SPATA7: variants seen among roughly 807,000 people sequenced by gnomAD.
SPATA7 encodes spermatogenesis-associated protein 7.
In SPATA7, 43 loss-of-function variants were observed where a neutral mutation model predicts 51.8. The observed-to-expected ratio is 0.83, with a 90% CI of 0.65 to 1.07. The LOEUF (loss-of-function observed/expected upper bound fraction) is 1.07, where lower values mean the gene tolerates loss of function less well. Among genes scored for constraint, SPATA7 ranks in the 50% least tolerant of loss-of-function variants. The pLI is 0.00. For synonymous variants in SPATA7, 230 were observed against 252.8 expected (o/e 0.91, Z 0.86); for missense variants, 683 against 701.3 (o/e 0.97, Z 0.30).
chr14:88,449,245 G>A (rs2077234848), intron 3 of SPATA7, among the ~76,000 whole-genome samples: 1 of 152,080 alleles, frequency 6.6e-6, no homozygotes, highest in African/African-American at 2.4e-5. Context: ...CTGTATTCCA[G>A]AGGTTCAGAT....
exon 5 of SPATA7, chr14:88,470,257 T>C (rs2077440037): frequency 1.7e-6 from 1 of 582,830 alleles, no homozygotes; most frequent in South Asian, 2.1e-5. Context: ...TTTATAAACT[T>C]AGGTACTGTG....
intron 9 of SPATA7, 69 bp from the exon 10 acceptor site, chr14:88,433,066 A>G (rs948871368): frequency 3.4e-6 from 4 of 1,170,796 alleles, no homozygotes; most frequent in Non-Finnish European, 3.8e-6. Context: ...ATTAGGTACT[A>G]ATGTTTCTTA....
chr14:88,415,627 A>AT (rs532800948), intron 4 of SPATA7, among the ~76,000 whole-genome samples: 28 of 152,076 alleles, frequency 1.8e-4, no homozygotes, highest in African/African-American at 6.3e-4. Context: ...GTGAGGTTTG[A>AT]TCCTGTCATG....
downstream of SPATA7, among the ~76,000 whole-genome samples, chr14:88,458,862 G>T (rs985920615): frequency 6.6e-6 from 1 of 152,122 alleles, no homozygotes; most frequent in African/African-American, 2.4e-5. Flanking sequence ...GGCATTTAGT[G>T]CTATAAATTT....
At chr14:88,397,713 AC>A (rs2075927956) in intron 4 of SPATA7, among the ~76,000 whole-genome samples, 1 of 152,078 alleles carries the variant, frequency 6.6e-6, no homozygotes, top group Non-Finnish European at 1.5e-5. Flanking sequence ...TTATATATCT[AC>A]CCTTTGACCA....
intron 5 of SPATA7, among the ~76,000 whole-genome samples, chr14:88,417,534 G>T (rs539417454): frequency 6.6e-6 from 1 of 152,122 alleles, no homozygotes; most frequent in African/African-American, 2.4e-5. Context: ...TCAAACTCCT[G>T]ACCTCAAGTG....
At chr14:88,444,828 T>C (rs2077200590) in intron 3 of SPATA7, among the ~76,000 whole-genome samples, 1 of 152,246 alleles carries the variant, frequency 6.6e-6, no homozygotes, top group Non-Finnish European at 1.5e-5. Context: ...GCCTCTGTTC[T>C]GTTCCATTGA....
chr14:88,415,512 ATTATT>A (rs1477500505), intron 4 of SPATA7, among the ~76,000 whole-genome samples: 4 of 149,220 alleles, frequency 2.7e-5, no homozygotes, highest in Admixed American at 6.6e-5. Context: ...TAAATAAAAT[ATTATT>A]TTATTTTTTA....
At chr14:88,433,261 T>A (rs761502094) in intron 10 of SPATA7, 49 bp downstream of exon 10, 8 of 1,174,616 alleles carry the variant, frequency 6.8e-6, no homozygotes, top group Non-Finnish European at 1.0e-5. Flanking sequence ...CATTAAATAT[T>A]CTTCATATTT....
intron 4 of SPATA7, among the ~76,000 whole-genome samples, chr14:88,404,556 A>G (rs1391050761): frequency 6.6e-6 from 1 of 152,144 alleles, no homozygotes; most frequent in Non-Finnish European, 1.5e-5. Flanking sequence ...TTCTCTACTA[A>G]AAATACAGAA....
At chr14:88,470,161 A>C in exon 5 of SPATA7, 1 of 966,208 alleles carries the variant, frequency 1.0e-6, no homozygotes, top group Non-Finnish European at 1.5e-6. Context: ...GTAAAAAGTA[A>C]AAAAGTAGTA....
downstream of SPATA7, among the ~76,000 whole-genome samples, chr14:88,459,328 A>C (rs2077303000): frequency 6.6e-6 from 1 of 152,182 alleles, no homozygotes; most frequent in Non-Finnish European, 1.5e-5. Flanking sequence ...GGGGTGTTAA[A>C]GTCTCCCATT....
rs202230167 is a variant in SPATA7 at position 88,416,836 on chromosome 14, T to A, written c.364T>A (p.Leu122Ile). The A allele has an allele frequency of 2.4e-4, 387 of 1,589,728 alleles. 2 individuals are homozygous for A. Among genetic ancestry groups the A allele is most frequent in the Non-Finnish European group, 2.8e-4 (324 of 1,159,192 alleles). Residue 122 changes from leucine to isoleucine, a missense_variant, in exon 5 of 12, where the codon TTA (leucine) becomes ATA (isoleucine). Physicochemically the swap from Leu to Ile is conservative, Grantham distance 5. Transcript: ENST00000393545. ...TAATTCCAAGTCACTTTTTAATACC[T>A]TACAAAAGGTAAGATAGTATTTTTA... ...KNNSKSLFNT[L>I]QKPSGEPQIE...
intron 3 of SPATA7, among the ~76,000 whole-genome samples, chr14:88,444,902 A>T (rs1439613213): frequency 2.0e-5 from 3 of 152,092 alleles, no homozygotes; most frequent in African/African-American, 7.2e-5. Flanking sequence ...GTAGTATAGT[A>T]TGAAGTCAGG....
intron 4 of SPATA7, among the ~76,000 whole-genome samples, chr14:88,465,218 G>T (rs994838226): frequency 5.3e-5 from 8 of 152,190 alleles, no homozygotes; most frequent in African/African-American, 1.9e-4. Flanking sequence ...TGTAATCCCA[G>T]CACTTTGGGA....
intron 7 of SPATA7, chr14:88,428,287 C>G (rs888211022): frequency 2.0e-5 from 3 of 152,062 alleles, no homozygotes; most frequent in African/African-American, 4.8e-5. Flanking sequence ...CAGTCTTGCA[C>G]TTGTGTCCTG....
Position 88,433,152 on chromosome 14 carries a change from A to G in SPATA7, c.1100A>G (p.Tyr367Cys), listed in dbSNP as rs768788013. The G allele has an allele frequency of 6.8e-6, 11 of 1,611,812 alleles. No homozygotes were observed. The South Asian group carries it at 1.2e-4, about 18-fold the overall frequency. Reference protein sequence around the residue: ...KIYSDEEELLYLSFIEDVTDE... With the variant: ...KIYSDEEELLCLSFIEDVTDE... ...TTTTACAGTGAAGAAGAACTGTTGT[A>G]TCTGAGTTTCATTGAAGATGTAACA... Residue 367 changes from tyrosine (Y) to cysteine (C), a missense_variant, in exon 10 of 12, where the codon TAT becomes TGT. Coordinates refer to ENST00000393545, the MANE Select transcript of SPATA7 (RefSeq NM_018418.5).
intron 10 of SPATA7, among the ~76,000 whole-genome samples, chr14:88,435,273 T>A (rs2077052641): frequency 6.6e-6 from 1 of 152,230 alleles, no homozygotes; most frequent in Non-Finnish European, 1.5e-5. Context: ...TGGGAGTTTT[T>A]AAATTTTTTA....
At position 88,438,326 on chromosome 14, in the gene SPATA7, G is replaced by C. The variant is rs760827034; in HGVS notation, c.1704G>C (p.Gln568His). The C allele has an allele frequency of 7.4e-6, 12 of 1,614,032 alleles. No individual in the cohort carries two copies. The highest frequency in any genetic ancestry group is 1.0e-5 in the Non-Finnish European group (12 of 1,179,960). The change falls in exon 12 of 12, where the codon CAG becomes CAC. Residue 568 changes from glutamine (Q) to histidine (H), a missense_variant. Coordinates refer to ENST00000393545, the MANE Select transcript of SPATA7 (RefSeq NM_018418.5). Reference protein sequence around the residue: ...GLNTSPSQSVQFSSVKGDNNH... With the variant: ...GLNTSPSQSVHFSSVKGDNNH... ...ACACATCACCCTCCCAATCTGTTCA[G>C]TTCTCCAGTGTCAAAGGCGACAATA...
Sources: allele counts gnomAD v4.1 joint callset (sites outside exome capture counted in the v4.1 genomes callset), GRCh38; gene constraint gnomAD v4.1.1; transcripts MANE v1.5; gene names NCBI Gene and HGNC (gene_info 2026-07-23, HGNC 2026-07-21).